The following GALNTL6 variants were observed in gnomAD, a reference collection of about 807,000 sequenced individuals.
GALNTL6 encodes the protein polypeptide N-acetylgalactosaminyltransferase like 6.
In GALNTL6, 46 loss-of-function variants were observed where a neutral mutation model predicts 73.7. The observed-to-expected ratio is 0.62, with a 90% CI of 0.49 to 0.80. The LOEUF (loss-of-function observed/expected upper bound fraction) is 0.80, where lower values mean the gene tolerates loss of function less well. Among genes scored for constraint, GALNTL6 ranks in the 30% least tolerant of loss-of-function variants. The probability of loss-of-function intolerance (pLI) is 0.00; values close to 1 mark genes in which losing one functional copy is unlikely to be tolerated. For synonymous variants in GALNTL6, 259 were observed against 263.7 expected, an observed-to-expected ratio of 0.98 and a Z score of 0.17; for missense variants, 604 against 755.0, an observed-to-expected ratio of 0.80 and a Z score of 2.34.
At chr4:172,501,224 G>A (rs901035500) in intron 5 of GALNTL6, among the ~76,000 whole-genome samples, 2 of 152,148 alleles carry the variant, frequency 1.3e-5, no homozygotes, top group African/African-American at 4.8e-5. Context: ...TGGGTAAAGG[G>A]TATGTGAAAT....
At chr4:173,028,516 A>C (rs1753325034) in intron 12 of GALNTL6, among the ~76,000 whole-genome samples, 1 of 152,158 alleles carries the variant, frequency 6.6e-6, no homozygotes, top group Non-Finnish European at 1.5e-5. Flanking sequence ...CTTTCTACTT[A>C]AAACACTGTA....
chr4:172,288,404 T>C (rs1739343689), intron 3 of GALNTL6, among the ~76,000 whole-genome samples: 1 of 152,202 alleles, frequency 6.6e-6, no homozygotes, highest in Non-Finnish European at 1.5e-5. Flanking sequence ...TTGATTTTTT[T>C]TGTAAGAAAT....
At chr4:172,825,749 G>T (rs1197830991) in intron 7 of GALNTL6, among the ~76,000 whole-genome samples, 1 of 152,160 alleles carries the variant, frequency 6.6e-6, no homozygotes, top group Admixed American at 6.5e-5. Flanking sequence ...TGTAAGAGGA[G>T]GGAAACTGTA....
chr4:172,692,881 C>T (rs1733401125), intron 5 of GALNTL6, among the ~76,000 whole-genome samples: 1 of 152,166 alleles, frequency 6.6e-6, no homozygotes, highest in African/African-American at 2.4e-5. Context: ...AGACCATGCT[C>T]ATTGGTAGCC....
intron 2 of GALNTL6, among the ~76,000 whole-genome samples, chr4:171,938,619 G>A (rs1738426681): frequency 6.6e-6 from 1 of 152,074 alleles, no homozygotes; most frequent in Non-Finnish European, 1.5e-5. Context: ...TTTTAAAAGT[G>A]AAAACTGAAT....
intron 3 of GALNTL6, among the ~76,000 whole-genome samples, chr4:172,280,695 A>G (rs538129087): frequency 6.6e-5 from 10 of 152,280 alleles, no homozygotes; most frequent in Non-Finnish European, 1.5e-4. Flanking sequence ...AACAATTAAT[A>G]TAAGGACTTT....
intron 2 of GALNTL6, among the ~76,000 whole-genome samples, chr4:171,990,877 G>T (rs751207787): frequency 6.6e-6 from 1 of 152,184 alleles, no homozygotes; most frequent in Non-Finnish European, 1.5e-5. Context: ...GTTGAAATAA[G>T]CTTGTTAATT....
At chr4:172,552,851 A>AAAAAAC (rs1736010451) in intron 5 of GALNTL6, among the ~76,000 whole-genome samples, 1 of 150,480 alleles carries the variant, frequency 6.6e-6, no homozygotes, top group Non-Finnish European at 1.5e-5. Flanking sequence ...AAAAAAAAAA[A>AAAAAAC]AAAAAAGGTA....
intron 3 of GALNTL6, among the ~76,000 whole-genome samples, chr4:172,237,712 T>C (rs1028169895): frequency 1.3e-5 from 2 of 152,308 alleles, no homozygotes; most frequent in African/African-American, 2.4e-5. Flanking sequence ...AAGGATTTTA[T>C]AATTTTAGGT....
intron 2 of GALNTL6, among the ~76,000 whole-genome samples, chr4:171,882,872 C>T (rs968529668): frequency 5.3e-5 from 8 of 152,148 alleles, no homozygotes; most frequent in Admixed American, 2.6e-4. Flanking sequence ...GTAGTTAGTC[C>T]GTTGTAGAAG....
rs559662416 is a variant in GALNTL6, at chr4:172,471,730, A to G, written c.553+123041A>G. Among the ~76,000 whole-genome samples, 151 of 152,350 alleles carry G rather than the reference A, an allele frequency of 9.9e-4. 1 individual carries two copies. The highest frequency in any genetic ancestry group is 3.5e-3 in the African/African-American group (146 of 41,592). ...GTGAATCAATAAGAATTGACTTGATATATAATGATAAAGTTTTGTGTACAG... is the reference window on the plus strand; with the variant it reads ...GTGAATCAATAAGAATTGACTTGATGTATAATGATAAAGTTTTGTGTACAG... On this transcript the variant is annotated intron_variant, in intron 5 of 12. Coordinates refer to ENST00000506823, the MANE Select transcript of GALNTL6 (RefSeq NM_001034845.3).
chr4:172,593,893 C>A (rs1483130740), intron 5 of GALNTL6, among the ~76,000 whole-genome samples: 1 of 152,032 alleles, frequency 6.6e-6, no homozygotes, highest in Non-Finnish European at 1.5e-5. Context: ...CCACACCCAG[C>A]TAATTTTGTA....
intron 2 of GALNTL6, among the ~76,000 whole-genome samples, chr4:171,935,337 C>T (rs551574697): frequency 8.5e-5 from 13 of 152,194 alleles, no homozygotes; most frequent in Admixed American, 2.6e-4. Context: ...GATGCTAGAG[C>T]GGAGTCATAG....
intron 2 of GALNTL6, among the ~76,000 whole-genome samples, chr4:171,867,630 C>G (rs1291612294): frequency 6.6e-6 from 1 of 152,224 alleles, no homozygotes; most frequent in African/African-American, 2.4e-5. Flanking sequence ...TGTTTCCACA[C>G]AGTAGCCAGT....
At chr4:172,763,963 T>TTA (rs2110836614) in intron 5 of GALNTL6, among the ~76,000 whole-genome samples, 1 of 151,226 alleles carries the variant, frequency 6.6e-6, no homozygotes, top group African/African-American at 2.4e-5. Context: ...GGTGTATTTT[T>TTA]TTTTTTTTTT....
intron 2 of GALNTL6, among the ~76,000 whole-genome samples, chr4:171,899,841 T>G (rs1390239310): frequency 6.6e-6 from 1 of 152,172 alleles, no homozygotes; most frequent in Non-Finnish European, 1.5e-5. Context: ...ACTAAAAGCA[T>G]ATCATTTTCC....
intron 2 of GALNTL6, among the ~76,000 whole-genome samples, chr4:172,053,307 G>A (rs1184510317): frequency 6.6e-6 from 1 of 151,908 alleles, no homozygotes; most frequent in Non-Finnish European, 1.5e-5. Context: ...TAATACAGGG[G>A]ATCAACAGAC....
chr4:172,588,087 C>A (rs185963896), intron 5 of GALNTL6, among the ~76,000 whole-genome samples: 31 of 152,052 alleles, frequency 2.0e-4, no homozygotes, highest in African/African-American at 7.0e-4. Context: ...AATTAAGCAA[C>A]GTAGCATAAT....
chr4:172,961,536 T>C (rs982074477), intron 10 of GALNTL6, among the ~76,000 whole-genome samples: 3 of 152,158 alleles, frequency 2.0e-5, no homozygotes, highest in Non-Finnish European at 2.9e-5. Flanking sequence ...CCCCACGTGA[T>C]TACACACTAA....
Sources: allele counts gnomAD v4.1 joint callset (sites outside exome capture counted in the v4.1 genomes callset), GRCh38; gene constraint gnomAD v4.1.1; transcripts MANE v1.5; gene names NCBI Gene and HGNC (gene_info 2026-07-23, HGNC 2026-07-21).